Variants in SLCO6A1 observed in about 807,000 individuals in gnomAD.
SLCO6A1 encodes cancer/testis antigen 48.
Under a neutral mutation model 72.7 loss-of-function variants are expected in SLCO6A1, and 65 were observed. The ratio of observed to expected loss-of-function variants is 0.89; its 90% CI spans 0.73 to 1.10. The LOEUF (loss-of-function observed/expected upper bound fraction) is 1.10, where lower values mean the gene tolerates loss of function less well. Among genes scored for constraint, SLCO6A1 ranks in the 50% least tolerant of loss-of-function variants. SLCO6A1 has a pLI of 0.00. For missense variants in SLCO6A1, 874 were observed against 872.6 expected, an observed-to-expected ratio of 1.00 and a Z score of -0.02; for synonymous variants, 314 against 298.2, an observed-to-expected ratio of 1.05 and a Z score of -0.55.
intron 6 of SLCO6A1, among the ~76,000 whole-genome samples, chr5:102,451,373 CATCTTGCTT>C: frequency 6.6e-6 from 1 of 152,284 alleles, no homozygotes; most frequent in East Asian, 1.9e-4. Context: ...GCCCTCAGTC[CATCTTGCTT>C]ATCAGCACTG....
At position 102,419,881 on chromosome 5, in the gene SLCO6A1, T is replaced by G; in HGVS notation, c.1417A>C (p.Ile473Leu). Reference protein sequence around the residue: ...VISLILLVFIIFVRCNPVQFA... With the variant: ...VISLILLVFILFVRCNPVQFA... Reference sequence around the variant, plus strand: ...TGCACTGGATTACAGCGTACAAAAATAATAAACACAAGCAGTATAAGTGAT... The same window carrying G: ...TGCACTGGATTACAGCGTACAAAAAGAATAAACACAAGCAGTATAAGTGAT... Residue 473 changes from isoleucine to leucine, a missense_variant, in exon 8 of 14, where the codon ATT (isoleucine) becomes CTT (leucine). Transcript: ENST00000506729. 1 of 1,607,748 alleles carries G rather than the reference T, an allele frequency of 6.2e-7. No homozygotes were observed.
chr5:102,495,761 T>C (rs1042889134), intron 1 of SLCO6A1, among the ~76,000 whole-genome samples: 1 of 150,612 alleles, frequency 6.6e-6, no homozygotes, highest in Non-Finnish European at 1.5e-5. Context: ...GAAGGAAGGA[T>C]GGAGGGAAAG....
chr5:102,444,243 G>A (rs1346000974), intron 6 of SLCO6A1, among the ~76,000 whole-genome samples: 4 of 152,188 alleles, frequency 2.6e-5, no homozygotes, highest in Non-Finnish European at 5.9e-5. Context: ...AAGGAGGAAA[G>A]GGTTTGTAAA....
chr5:102,484,299 A>C (rs546644877), intron 1 of SLCO6A1, among the ~76,000 whole-genome samples: 2 of 152,166 alleles, frequency 1.3e-5, no homozygotes, highest in Admixed American at 6.5e-5. Flanking sequence ...AGGGTTCGTT[A>C]GTTTGTTTTG....
intron 7 of SLCO6A1, among the ~76,000 whole-genome samples, chr5:102,436,289 C>A (rs772831197): frequency 6.6e-6 from 1 of 152,134 alleles, no homozygotes; most frequent in African/African-American, 2.4e-5. Context: ...ACTCTCAAGC[C>A]TTAGACTCAA....
At chr5:102,379,659 T>G (rs572125377) in intron 12 of SLCO6A1, among the ~76,000 whole-genome samples, 1 of 152,074 alleles carries the variant, frequency 6.6e-6, no homozygotes, top group East Asian at 1.9e-4. Flanking sequence ...TATAGCTCTA[T>G]AATAGGTTTT....
chr5:102,407,076 C>T lies in SLCO6A1; in HGVS notation c.1626+5914G>A, dbSNP rs146973339. On this transcript the variant is annotated intron_variant, in intron 9 of 13. Transcript: ENST00000506729. ...GGAAGTAAAAGGCATGACTCAACTC[C>T]GTAGATGGGGGCTCAAACATTGGAC... 4.2e-3 allele frequency among the ~76,000 whole-genome samples: 640 copies of T among 152,198 alleles called. 10 individuals carry two copies. Among genetic ancestry groups the T allele is most frequent in the African/African-American group, 0.015 (609 of 41,504 alleles).
chr5:102,436,338 G>A (rs7732054), intron 7 of SLCO6A1, among the ~76,000 whole-genome samples: 4,146 of 152,184 alleles, frequency 0.027, 179 homozygotes, highest in African/African-American at 0.094. Flanking sequence ...TCACCTGCAA[G>A]GGTAACTGAT....
At chr5:102,444,890 T>C (rs1316860240) in intron 6 of SLCO6A1, among the ~76,000 whole-genome samples, 1 of 152,160 alleles carries the variant, frequency 6.6e-6, no homozygotes, top group Admixed American at 6.5e-5. Flanking sequence ...CATGTTCCAG[T>C]GAAAACTAAA....
At chr5:102,427,156 G>A (rs1005310153) in intron 7 of SLCO6A1, among the ~76,000 whole-genome samples, 3 of 151,930 alleles carry the variant, frequency 2.0e-5, no homozygotes, top group Non-Finnish European at 2.9e-5. Flanking sequence ...AAGAAACCTG[G>A]ATATTAAAAA....
chr5:102,416,546 G>C (rs1748296075), intron 8 of SLCO6A1, among the ~76,000 whole-genome samples: 1 of 152,040 alleles, frequency 6.6e-6, no homozygotes. Context: ...TAATTGTAGA[G>C]AGTGGAATGA....
intron 7 of SLCO6A1, among the ~76,000 whole-genome samples, chr5:102,426,166 C>A (rs1345679202): frequency 2.0e-5 from 3 of 152,084 alleles, no homozygotes; most frequent in African/African-American, 7.2e-5. Flanking sequence ...CATAAAAACC[C>A]TAGAGGAAAA....
chr5:102,457,057 A>G (rs991580318), intron 6 of SLCO6A1, among the ~76,000 whole-genome samples: 6 of 152,216 alleles, frequency 3.9e-5, no homozygotes, highest in African/African-American at 1.4e-4. Context: ...ATGTGTAGAA[A>G]GCTGAAACTG....
intron 7 of SLCO6A1, among the ~76,000 whole-genome samples, chr5:102,422,955 A>G (rs1342596332): frequency 1.3e-5 from 2 of 152,240 alleles, no homozygotes; most frequent in Non-Finnish European, 2.9e-5. Context: ...GCCAGAAGAT[A>G]GTGGGGGCCA....
chr5:102,385,802 G>A (rs1051702695), intron 12 of SLCO6A1, among the ~76,000 whole-genome samples: 1 of 145,660 alleles, frequency 6.9e-6, no homozygotes, highest in Non-Finnish European at 1.5e-5. Context: ...CAGTTCACAA[G>A]TCTCCATTTT....
At chr5:102,460,899 C>CATATATAT (rs60973292) in intron 4 of SLCO6A1, among the ~76,000 whole-genome samples, 37 of 130,216 alleles carry the variant, frequency 2.8e-4, no homozygotes, top group East Asian at 5.5e-4. Flanking sequence ...CCACTTATCT[C>CATATATAT]ATATATATAT....
At chr5:102,438,461 G>T in intron 7 of SLCO6A1, 156 bp downstream of exon 7, 2 of 506,278 alleles carry the variant, frequency 4.0e-6, no homozygotes, top group Non-Finnish European at 6.5e-6. Context: ...TAAAAATATT[G>T]ACACTATGAT....
At chr5:102,456,908 A>G (rs995105106) in intron 6 of SLCO6A1, among the ~76,000 whole-genome samples, 1 of 152,228 alleles carries the variant, frequency 6.6e-6, no homozygotes, top group African/African-American at 2.4e-5. Context: ...ACAGAGATAT[A>G]GACCAATGGA....
chr5:102,388,984 T>C (rs1746582339), intron 11 of SLCO6A1, among the ~76,000 whole-genome samples, 159 bp from the exon 12 acceptor site: 1 of 152,212 alleles, frequency 6.6e-6, no homozygotes, highest in African/African-American at 2.4e-5. Flanking sequence ...TGTTAATCAC[T>C]GGAAACAATG....
Sources: allele counts gnomAD v4.1 joint callset (sites outside exome capture counted in the v4.1 genomes callset), GRCh38; gene constraint gnomAD v4.1.1; transcripts MANE v1.5; gene names NCBI Gene and HGNC (gene_info 2026-07-23, HGNC 2026-07-21).